Variants in SCAPER observed in about 807,000 individuals in gnomAD.
SCAPER encodes S phase cyclin A-associated protein in the endoplasmic reticulum.
SCAPER carries 98 observed loss-of-function variants against 182.2 expected under a neutral mutation model. That is an observed-to-expected ratio of 0.54 (90% CI 0.46 to 0.64). The LOEUF is 0.64. Ranked by LOEUF, SCAPER falls within the 30% of genes least tolerant of loss-of-function variation. The pLI, the probability that SCAPER is intolerant of heterozygous loss-of-function variation, is 0.00. For missense variants in SCAPER, 1,432 were observed against 1,690.0 expected (o/e 0.85, Z 2.68); for synonymous variants, 605 against 564.6 (o/e 1.07, Z -1.01).
At chr15:76,652,521 A>ACG (rs2055246566) in intron 21 of SCAPER, among the ~76,000 whole-genome samples, 1 of 49,910 alleles carries the variant, frequency 2.0e-5, no homozygotes, top group Non-Finnish European at 4.2e-5. Context: ...ACATACATAC[A>ACG]CACACACACA....
intron 4 of SCAPER, among the ~76,000 whole-genome samples, chr15:76,849,338 G>T (rs1458073212): frequency 6.6e-6 from 1 of 152,294 alleles, no homozygotes; most frequent in Admixed American, 6.5e-5. Context: ...AAGACCCAAA[G>T]TGCCTTATCC....
intron 24 of SCAPER, among the ~76,000 whole-genome samples, chr15:76,493,403 T>C (rs2052524069): frequency 6.6e-6 from 1 of 152,224 alleles, no homozygotes; most frequent in South Asian, 2.1e-4. Context: ...GAATAGGCAA[T>C]TTAATTATTC....
At chr15:76,626,489 G>A (rs2052585052) in intron 21 of SCAPER, among the ~76,000 whole-genome samples, 1 of 152,108 alleles carries the variant, frequency 6.6e-6, no homozygotes, top group African/African-American at 2.4e-5. Context: ...GGCTGAGGCG[G>A]GTGGATCACT....
chr15:76,529,721 C>T (rs1567361985), intron 23 of SCAPER, among the ~76,000 whole-genome samples: 1 of 152,254 alleles, frequency 6.6e-6, no homozygotes, highest in African/African-American at 2.4e-5. Context: ...AGAAAGCTGA[C>T]ATATCCGAAG....
At chr15:76,679,156 T>C (rs1173470616) in intron 20 of SCAPER, among the ~76,000 whole-genome samples, 2 of 152,116 alleles carry the variant, frequency 1.3e-5, no homozygotes, top group Non-Finnish European at 2.9e-5. Flanking sequence ...GACAACAATA[T>C]AGAAAAATTA....
At chr15:76,617,940 T>G (rs2051645204) in intron 22 of SCAPER, among the ~76,000 whole-genome samples, 1 of 152,156 alleles carries the variant, frequency 6.6e-6, no homozygotes, top group African/African-American at 2.4e-5. Flanking sequence ...CTCAAGTATT[T>G]AGATGTATTT....
chr15:76,610,659 T>C (rs1008866480), intron 22 of SCAPER, among the ~76,000 whole-genome samples: 8 of 152,012 alleles, frequency 5.3e-5, no homozygotes, highest in Admixed American at 2.6e-4. Flanking sequence ...AAAAGGGAAA[T>C]TGGAATAACA....
chr15:76,843,070 C>G (rs750075433), intron 4 of SCAPER, among the ~76,000 whole-genome samples: 26 of 152,190 alleles, frequency 1.7e-4, no homozygotes, highest in Non-Finnish European at 3.2e-4. Context: ...AAAACTACTA[C>G]CATTCATCCC....
chr15:76,579,980 T>G (rs1468787667), intron 22 of SCAPER, among the ~76,000 whole-genome samples: 2 of 152,140 alleles, frequency 1.3e-5, no homozygotes, highest in Non-Finnish European at 2.9e-5. Flanking sequence ...ATAATAATTA[T>G]AAATATATAT....
At position 76,427,741 on chromosome 15, in the gene SCAPER, T is replaced by G. The variant is rs11852564; in HGVS notation, c.3311+6337A>C. Among the ~76,000 whole-genome samples, 1,429 of 152,200 alleles carry G rather than the reference T, an allele frequency of 9.4e-3. 18 individuals are homozygous for G. Among genetic ancestry groups the G allele is most frequent in the African/African-American group, 0.033 (1,352 of 41,516 alleles). ...TGAGGTCAGGAGTTCTAGACCAGCC[T>G]GGCCAACATGGTGAAACCCCATCTG... is the stretch of plus-strand genomic sequence containing the variant. On this transcript the variant is annotated intron_variant, in intron 26 of 31. Coordinates refer to ENST00000563290, the MANE Select transcript of SCAPER (RefSeq NM_020843.4).
chr15:76,466,941 A>G (rs969286747), intron 25 of SCAPER, among the ~76,000 whole-genome samples: 4 of 152,034 alleles, frequency 2.6e-5, no homozygotes, highest in Admixed American at 6.6e-5. Context: ...GTAACCTTCA[A>G]TGTTGGAGGA....
intron 20 of SCAPER, among the ~76,000 whole-genome samples, chr15:76,700,913 T>C (rs1287715566): frequency 1.3e-5 from 2 of 152,090 alleles, no homozygotes; most frequent in South Asian, 2.1e-4. Context: ...TAAATAATGA[T>C]ACAAAAATTC....
intron 20 of SCAPER, among the ~76,000 whole-genome samples, chr15:76,667,159 T>C (rs1278837534): frequency 6.6e-6 from 1 of 152,130 alleles, no homozygotes; most frequent in Non-Finnish European, 1.5e-5. Context: ...CCCTTACCAA[T>C]CTACAAATTT....
intron 7 of SCAPER, among the ~76,000 whole-genome samples, chr15:76,797,053 A>C (rs1023791543): frequency 3.3e-5 from 5 of 150,766 alleles, no homozygotes; most frequent in African/African-American, 1.2e-4. Context: ...AGACATTAAA[A>C]GAAAGAGTAT....
chr15:76,438,265 G>A lies in SCAPER; in HGVS notation c.3079-3955C>T, dbSNP rs149967633. On this transcript the variant is annotated intron_variant, in intron 25 of 31. Transcript: ENST00000563290. The stretch of plus-strand genomic sequence containing the variant: ...CCATTGCACTCCAGTCTGGGCGACT[G>A]TGTGAGACTGTCTCAAAAAAAAAAA... 6.6e-4 allele frequency among the ~76,000 whole-genome samples: 87 copies of A among 132,346 alleles called. 2 individuals carry two copies. In the East Asian group the frequency reaches 0.02, roughly 30 times the overall value. The allele number at this position is 132,346 out of a possible 152,430, so 86.8% of individuals were successfully genotyped here. A position where few individuals can be genotyped will look rare whatever the true frequency, so the allele number is the denominator to read the frequency against.
At chr15:76,887,688 G>A (rs1369669844) in intron 1 of SCAPER, among the ~76,000 whole-genome samples, 1 of 152,212 alleles carries the variant, frequency 6.6e-6, no homozygotes, top group Non-Finnish European at 1.5e-5. Context: ...GCTCAGCAAG[G>A]CCTACTTGCC....
At chr15:76,665,925 T>C (rs1414115396) in intron 20 of SCAPER, 136 bp from the exon 21 acceptor site, 2 of 746,070 alleles carry the variant, frequency 2.7e-6, no homozygotes, top group African/African-American at 1.8e-5. Context: ...GTTTCTACAA[T>C]TGTTATGGAA....
At chr15:76,539,545 C>CTTT (rs36086361) in intron 23 of SCAPER, among the ~76,000 whole-genome samples, 72 of 119,392 alleles carry the variant, frequency 6.0e-4, no homozygotes, top group Admixed American at 8.5e-4. Flanking sequence ...ATCAAAATTT[C>CTTT]TTTTTTTTTT....
At chr15:76,473,538 T>C (rs573564233) in intron 24 of SCAPER, among the ~76,000 whole-genome samples, 76 of 152,286 alleles carry the variant, frequency 5.0e-4, no homozygotes, top group African/African-American at 1.8e-3. Context: ...AAGTTCTAGG[T>C]AAAAATGTTT....
Sources: gnomAD v4.1 joint callset for allele counts (sites outside exome capture counted in the v4.1 genomes callset) on GRCh38, gnomAD v4.1.1 for gene constraint, MANE v1.5 for transcripts, NCBI Gene and HGNC (gene_info 2026-07-23, HGNC 2026-07-21) for gene names.